Variants in PCCA observed in about 807,000 individuals in gnomAD.
PCCA encodes propionyl-CoA carboxylase subunit alpha, also known as propionyl-CoA carboxylase alpha chain, mitochondrial.
PCCA carries 74 observed loss-of-function variants against 101.3 expected under a neutral mutation model. The ratio of observed to expected loss-of-function variants is 0.73; its 90% CI spans 0.61 to 0.89. The LOEUF is 0.89. Ranked by LOEUF, PCCA falls within the 40% of genes least tolerant of loss-of-function variation. PCCA has a pLI of 0.00. For missense variants in PCCA, 891 were observed against 907.0 expected (o/e 0.98, Z 0.23); for synonymous variants, 294 against 313.6 (o/e 0.94, Z 0.66).
intron 6 of PCCA, among the ~76,000 whole-genome samples, chr13:100,176,930 CTG>C (rs1482024370): frequency 6.6e-6 from 1 of 152,106 alleles, no homozygotes; most frequent in East Asian, 1.9e-4. Context: ...CTACTTGAAA[CTG>C]TTGTTTTTGG....
chr13:100,478,010 C>A (rs1015791959), intron 21 of PCCA, among the ~76,000 whole-genome samples: 2 of 152,224 alleles, frequency 1.3e-5, no homozygotes, highest in African/African-American at 4.8e-5. Flanking sequence ...GTGGCGAGCT[C>A]GAGCTAATCG....
intron 4 of PCCA, among the ~76,000 whole-genome samples, chr13:100,129,621 AG>A (rs1447017108): frequency 6.6e-6 from 1 of 152,150 alleles, no homozygotes; most frequent in African/African-American, 2.4e-5. Context: ...TTATGGTGAT[AG>A]TTTGGACACA....
chr13:100,102,516 T>C (rs932086751), intron 1 of PCCA, among the ~76,000 whole-genome samples: 3 of 152,244 alleles, frequency 2.0e-5, no homozygotes, highest in African/African-American at 7.2e-5. Flanking sequence ...CTGTTAAATT[T>C]GAAGCTCCTT....
intron 4 of PCCA, among the ~76,000 whole-genome samples, chr13:100,120,472 T>C (rs542080192): frequency 1.3e-5 from 2 of 152,368 alleles, no homozygotes; most frequent in Admixed American, 6.5e-5. Flanking sequence ...AGTTGGCTTA[T>C]TGTTGGTTTG....
chr13:100,338,729 A>G (rs2070872351), intron 17 of PCCA, among the ~76,000 whole-genome samples: 1 of 148,810 alleles, frequency 6.7e-6, no homozygotes, highest in African/African-American at 2.5e-5. Context: ...TCCCAGAACC[A>G]GTTGGTAGAT....
chr13:100,334,232 G>C (rs903196123), intron 17 of PCCA, among the ~76,000 whole-genome samples: 1 of 152,222 alleles, frequency 6.6e-6, no homozygotes, highest in Non-Finnish European at 1.5e-5. Flanking sequence ...GGCTGCACTT[G>C]TGAGAGCCAT....
intron 1 of PCCA, among the ~76,000 whole-genome samples, chr13:100,092,104 A>G (rs2046334886): frequency 1.3e-5 from 2 of 151,622 alleles, no homozygotes; most frequent in Admixed American, 6.6e-5. Context: ...TTTGTATTTT[A>G]GTAGAGATGG....
At chr13:100,204,062 T>C (rs1341318268) in intron 6 of PCCA, among the ~76,000 whole-genome samples, 2 of 152,152 alleles carry the variant, frequency 1.3e-5, no homozygotes, top group Non-Finnish European at 2.9e-5. Flanking sequence ...AACACTCTTT[T>C]CTTTTATCAT....
chr13:100,097,896 C>G (rs778710994), intron 1 of PCCA, among the ~76,000 whole-genome samples: 11 of 152,190 alleles, frequency 7.2e-5, no homozygotes, highest in Admixed American at 5.9e-4. Context: ...TGGTGACATG[C>G]ATCCATAGTC....
intron 21 of PCCA, among the ~76,000 whole-genome samples, chr13:100,474,172 A>G (rs1170655061): frequency 6.6e-6 from 1 of 152,226 alleles, no homozygotes; most frequent in Non-Finnish European, 1.5e-5. Flanking sequence ...TTTAATAAAT[A>G]CCTGTCTAAA....
chr13:100,483,610 A>G (rs1381566740), intron 21 of PCCA, among the ~76,000 whole-genome samples: 3 of 152,216 alleles, frequency 2.0e-5, no homozygotes, highest in African/African-American at 7.2e-5. Context: ...TCTTACTGGT[A>G]TATCTGGGGT....
At chr13:100,110,491 T>G (rs2048209818) in intron 2 of PCCA, among the ~76,000 whole-genome samples, 1 of 152,190 alleles carries the variant, frequency 6.6e-6, no homozygotes, top group Non-Finnish European at 1.5e-5. Flanking sequence ...GACTTGGGTT[T>G]AGGTCTCTAG....
chr13:100,121,178 A>T (rs7995516), intron 4 of PCCA, among the ~76,000 whole-genome samples: 299 of 29,312 alleles, frequency 0.01, 14 homozygotes, highest in East Asian at 0.031. Context: ...TTTTTTTTTT[A>T]AAGATGGAGT....
At chr13:100,197,752 G>A (rs981507750) in intron 6 of PCCA, among the ~76,000 whole-genome samples, 1 of 152,122 alleles carries the variant, frequency 6.6e-6, no homozygotes, top group African/African-American at 2.4e-5. Flanking sequence ...ATTGTTTAAA[G>A]TACACTGAGT....
At chr13:100,264,967 A>C (rs2062830738) in intron 10 of PCCA, among the ~76,000 whole-genome samples, 1 of 152,154 alleles carries the variant, frequency 6.6e-6, no homozygotes, top group South Asian at 2.1e-4. Context: ...AAGTTTATTG[A>C]CCATTTGAAT....
intron 22 of PCCA, among the ~76,000 whole-genome samples, chr13:100,524,831 C>T (rs930880326): frequency 6.6e-5 from 10 of 151,986 alleles, no homozygotes; most frequent in African/African-American, 1.9e-4. Flanking sequence ...GAGATTGTGC[C>T]GCTGCACTCC....
At chr13:100,247,921 T>C (rs79361282) in intron 8 of PCCA, among the ~76,000 whole-genome samples, 4,111 of 152,310 alleles carry the variant, frequency 0.027, 203 homozygotes, top group African/African-American at 0.094. Flanking sequence ...ATAGGTGTAT[T>C]ACAGTGTATC....
intron 21 of PCCA, among the ~76,000 whole-genome samples, chr13:100,477,044 G>A (rs2083466722): frequency 6.6e-6 from 1 of 152,084 alleles, no homozygotes; most frequent in Non-Finnish European, 1.5e-5. Flanking sequence ...TATCCCATCT[G>A]TTTATATACA....
chr13:100,220,079 C>T (rs1369851498), intron 7 of PCCA, among the ~76,000 whole-genome samples: 1 of 152,080 alleles, frequency 6.6e-6, no homozygotes, highest in Non-Finnish European at 1.5e-5. Context: ...GCTGGGGTCA[C>T]AACTACTTGA....
Sources: gnomAD v4.1 joint callset for allele counts (sites outside exome capture counted in the v4.1 genomes callset) on GRCh38, gnomAD v4.1.1 for gene constraint, MANE v1.5 for transcripts, NCBI Gene and HGNC (gene_info 2026-07-23, HGNC 2026-07-21) for gene names.